Variants in APOLD1 observed in about 807,000 individuals in gnomAD.
APOLD1 encodes apolipoprotein L domain containing 1.
APOLD1 carries 22 observed loss-of-function variants against 15.3 expected under a neutral mutation model. The ratio of observed to expected loss-of-function variants is 1.44; its 90% CI spans 1.03 to 2.05. APOLD1 has a LOEUF of 2.05. Ranked by LOEUF, APOLD1 falls within the 30% of genes most tolerant of loss-of-function variation. APOLD1 has a pLI of 0.00. For missense variants in APOLD1, 394 were observed against 353.5 expected (o/e 1.11, Z -0.92); for synonymous variants, 190 against 167.4 (o/e 1.13, Z -1.04).
intron 1 of APOLD1, chr12:12,764,655 T>C (rs777124811): frequency 2.0e-6 from 1 of 488,784 alleles, no homozygotes; most frequent in East Asian, 6.1e-5. Context: ...TCTCGGTGAG[T>C]GCGTTTCCAA....
intron 1 of APOLD1, among the ~76,000 whole-genome samples, chr12:12,744,691 T>G (rs1946752360): frequency 6.6e-6 from 1 of 152,228 alleles, no homozygotes; most frequent in African/African-American, 2.4e-5. Flanking sequence ...CTGGGATCAG[T>G]TCTGATCCTG....
chr12:12,748,836 T>C lies in APOLD1; in HGVS notation c.96+22740T>C, dbSNP rs764474186. ...GACGTGGAAATATAAAGGCTTTGAA[T>C]ATCTGGGTAAGAAAGAACAGCTCCT... On this transcript the variant is annotated intron_variant, in intron 1 of 1. Transcript: ENST00000326765. 2.0e-5 allele frequency among the ~76,000 whole-genome samples: 3 copies of C among 152,328 alleles called. No individual in the cohort carries two copies. The South Asian group carries it at 6.2e-4, about 32-fold the overall frequency.
chr12:12,755,798 G>A (rs534987402), intron 1 of APOLD1, among the ~76,000 whole-genome samples: 4 of 152,318 alleles, frequency 2.6e-5, no homozygotes, highest in East Asian at 1.9e-4. Flanking sequence ...CCGAAATTGC[G>A]CCACTGCGCT....
At chr12:12,741,069 T>G (rs1946726751) in intron 1 of APOLD1, among the ~76,000 whole-genome samples, 1 of 152,234 alleles carries the variant, frequency 6.6e-6, no homozygotes, top group East Asian at 1.9e-4. Context: ...GTAACTTTTT[T>G]GTACCTCTTA....
At chr12:12,763,816 A>G (rs993057718) in intron 1 of APOLD1, among the ~76,000 whole-genome samples, 33 of 152,294 alleles carry the variant, frequency 2.2e-4, no homozygotes, top group African/African-American at 7.5e-4. Flanking sequence ...TATGTGTTAT[A>G]TAAATGGTTG....
intron 1 of APOLD1, among the ~76,000 whole-genome samples, chr12:12,731,751 A>G (rs1377436168): frequency 6.6e-6 from 1 of 152,222 alleles, no homozygotes; most frequent in East Asian, 1.9e-4. Context: ...TCAGATACAA[A>G]GACGGCCATT....
intron 1 of APOLD1, among the ~76,000 whole-genome samples, chr12:12,767,599 T>G (rs1054567862): frequency 7.2e-5 from 11 of 152,210 alleles, no homozygotes; most frequent in Non-Finnish European, 1.6e-4. Context: ...AGGCGGAGGT[T>G]GCAGTGAGAT....
chr12:12,781,321 G>A (rs1027568920), upstream of APOLD1, among the ~76,000 whole-genome samples: 6 of 152,084 alleles, frequency 3.9e-5, no homozygotes, highest in Non-Finnish European at 7.3e-5. Context: ...GCAGGCACTT[G>A]TAATCCCAGC....
At chr12:12,737,523 G>T (rs1389626717) in intron 1 of APOLD1, among the ~76,000 whole-genome samples, 3 of 152,090 alleles carry the variant, frequency 2.0e-5, no homozygotes, top group African/African-American at 7.2e-5. Flanking sequence ...CTTTACATAT[G>T]AGCCCCTGCC....
intron 1 of APOLD1, among the ~76,000 whole-genome samples, chr12:12,747,489 T>C (rs573995370): frequency 1.4e-4 from 21 of 152,214 alleles, no homozygotes; most frequent in African/African-American, 1.9e-4. Flanking sequence ...AGGCCTGCTG[T>C]AGGGGCAGGC....
At chr12:12,771,579 A>G (rs1420646666) in intron 1 of APOLD1, 14 of 521,496 alleles carry the variant, frequency 2.7e-5, no homozygotes, top group Non-Finnish European at 5.0e-5. Flanking sequence ...GCAACTTATG[A>G]TGGAGGAAAT....
intron 1 of APOLD1, among the ~76,000 whole-genome samples, chr12:12,737,946 C>T (rs1431187377): frequency 6.6e-6 from 1 of 152,196 alleles, no homozygotes. Context: ...TGAGTGCCTA[C>T]TATGTGCCAG....
At chr12:12,725,967 G>A (rs781292749) in exon 1 of APOLD1, 3 of 1,441,618 alleles carry the variant, frequency 2.1e-6, no homozygotes, top group South Asian at 1.4e-5. Flanking sequence ...CTGCAGCTTC[G>A]CGGGGACAGA....
chr12:12,741,952 A>G (rs375158108), intron 1 of APOLD1, among the ~76,000 whole-genome samples: 26 of 152,336 alleles, frequency 1.7e-4, no homozygotes, highest in East Asian at 1.5e-3. Context: ...GAAGGCCAGC[A>G]GGCTCAGTGT....
intron 1 of APOLD1, among the ~76,000 whole-genome samples, chr12:12,772,757 A>G (rs1312412522): frequency 2.0e-5 from 3 of 152,220 alleles, no homozygotes; most frequent in Non-Finnish European, 2.9e-5. Flanking sequence ...ACTTAACAAC[A>G]TTTAAAAGAA....
At chr12:12,783,953 G>C (rs936023146), upstream of APOLD1, among the ~76,000 whole-genome samples, 2 of 152,074 alleles carry the variant, frequency 1.3e-5, no homozygotes, top group Non-Finnish European at 2.9e-5. Context: ...GGTTTTTATG[G>C]GCAGTAAAAC....
chr12:12,757,010 C>T (rs1946861729), intron 1 of APOLD1, among the ~76,000 whole-genome samples: 1 of 152,206 alleles, frequency 6.6e-6, no homozygotes, highest in African/African-American at 2.4e-5. Flanking sequence ...TAGTCTCAAA[C>T]TCCTGACCTT....
rs1394471635 is a variant in APOLD1, at chr12:12,788,603, G to C, written c.*951G>C. The C allele has an allele frequency of 6.6e-6, 1 of 152,178 alleles. No individual in the cohort carries two copies. The highest frequency in any genetic ancestry group is 1.5e-5 in the Non-Finnish European group (1 of 68,028). The allele number at this position is 152,178 out of a possible 1,614,324, so 9.4% of individuals were successfully genotyped here. A position where few individuals can be genotyped will look rare whatever the true frequency, so the allele number is the denominator to read the frequency against. On this transcript the variant is annotated 3_prime_UTR_variant, in exon 2 of 2. Transcript: ENST00000356591. ...GCTCATATAGTGTAGTCCCTGGAAT[G>C]GCAAATTAACATCACCCAGGAACTT...
chr12:12,729,768 T>TAAA (rs991015507), intron 1 of APOLD1, among the ~76,000 whole-genome samples: 1 of 151,170 alleles, frequency 6.6e-6, no homozygotes, highest in Admixed American at 6.6e-5. Flanking sequence ...AAAAATAAAA[T>TAAA]AATAATAATA....
Sources: gnomAD v4.1 joint callset for allele counts (sites outside exome capture counted in the v4.1 genomes callset) on GRCh38, gnomAD v4.1.1 for gene constraint, MANE v1.5 for transcripts, NCBI Gene and HGNC (gene_info 2026-07-23, HGNC 2026-07-21) for gene names.